ABAT: variants seen among roughly 807,000 people sequenced by gnomAD.
The protein encoded by ABAT is 4-aminobutyrate aminotransferase, mitochondrial.
ABAT carries 45 observed loss-of-function variants against 64.6 expected under a neutral mutation model. The ratio of observed to expected loss-of-function variants is 0.70; its 90% confidence interval spans 0.55 to 0.89. The LOEUF (loss-of-function observed/expected upper bound fraction) is 0.89, where lower values mean the gene tolerates loss of function less well. ABAT is among the 40% of genes least tolerant of loss of function. ABAT has a pLI of 0.00. For missense variants in ABAT, 633 were observed against 658.4 expected (o/e 0.96, Z 0.42); for synonymous variants, 297 against 250.5 (o/e 1.19, Z -1.75).
intron 5 of ABAT, among the ~76,000 whole-genome samples, chr16:8,753,755 T>C (rs2059560052): frequency 6.6e-6 from 1 of 152,152 alleles, no homozygotes; most frequent in African/African-American, 2.4e-5. Context: ...TGGAGTAGGA[T>C]GGGGGAGTGC....
intron 1 of ABAT, among the ~76,000 whole-genome samples, chr16:8,706,522 T>G (rs1034604669): frequency 2.6e-5 from 4 of 151,868 alleles, no homozygotes; most frequent in Non-Finnish European, 5.9e-5. Flanking sequence ...AAAACCAGCC[T>G]GGCCAACATG....
chr16:8,675,646 G>A (rs1010285259), intron 1 of ABAT, among the ~76,000 whole-genome samples: 1 of 152,150 alleles, frequency 6.6e-6, no homozygotes, highest in African/African-American at 2.4e-5. Flanking sequence ...GATTTAGTAA[G>A]ACTGGAGCTC....
intron 1 of ABAT, among the ~76,000 whole-genome samples, chr16:8,733,690 G>A (rs1330758583): frequency 2.0e-5 from 3 of 151,880 alleles, no homozygotes; most frequent in South Asian, 4.1e-4. Context: ...GCGTGGCGGC[G>A]TGAGGCTGCA....
chr16:8,755,812 G>A (rs1596458580), intron 5 of ABAT, among the ~76,000 whole-genome samples: 1 of 152,320 alleles, frequency 6.6e-6, no homozygotes, highest in East Asian at 1.9e-4. Flanking sequence ...CACTTTGGGA[G>A]GCCGAGGTGG....
chr16:8,694,289 C>T (rs2057652573), intron 1 of ABAT, among the ~76,000 whole-genome samples: 1 of 151,688 alleles, frequency 6.6e-6, no homozygotes, highest in African/African-American at 2.4e-5. Flanking sequence ...TTCCAAAGTG[C>T]TAGGATTACA....
chr16:8,686,098 G>T (rs2057449492), intron 1 of ABAT, among the ~76,000 whole-genome samples: 1 of 152,188 alleles, frequency 6.6e-6, no homozygotes, highest in Non-Finnish European at 1.5e-5. Context: ...AAAGAGCAAG[G>T]CACCACCCCG....
rs151265476 is a variant in ABAT, at chr16:8,742,635, C to T, written c.71-3366C>T. 1.6e-3 allele frequency among the ~76,000 whole-genome samples: 244 copies of T among 151,990 alleles called. 1 individual carries two copies. Among genetic ancestry groups the T allele is most frequent in the African/African-American group, 5.5e-3 (227 of 41,450 alleles). On this transcript the variant is annotated intron_variant, in intron 2 of 15. Transcript: ENST00000268251. ...ATCCCAGCACTTTGGGGGGCCAAGGCGGGTGGATTGCCTGAGCTCAGGAGT... is the reference window on the plus strand; with the variant it reads ...ATCCCAGCACTTTGGGGGGCCAAGGTGGGTGGATTGCCTGAGCTCAGGAGT...
At chr16:8,743,444 T>TATATATATATATACACAC (rs368568293) in intron 2 of ABAT, among the ~76,000 whole-genome samples, 1 of 117,702 alleles carries the variant, frequency 8.5e-6, no homozygotes, top group African/African-American at 3.7e-5. Flanking sequence ...TATATATATA[T>TATATATATATATACACAC]ACACACATTT....
intron 5 of ABAT, among the ~76,000 whole-genome samples, chr16:8,751,841 C>T (rs1035779182): frequency 2.6e-4 from 40 of 152,176 alleles, no homozygotes; most frequent in Non-Finnish European, 1.3e-4. Context: ...AGTGTTCACT[C>T]GCTGTATAAA....
At chr16:8,768,075 T>A in intron 9 of ABAT, 118 bp from the exon 10 acceptor site, 2 of 1,122,630 alleles carry the variant, frequency 1.8e-6, no homozygotes, top group Admixed American at 3.7e-5. Flanking sequence ...AACTTTTGCC[T>A]GAGAAGGATT....
rs573998397 is a variant in ABAT at position 8,744,616 on chromosome 16, C to T, written c.71-1385C>T. On this transcript the variant is annotated intron_variant, in intron 2 of 15. Transcript: ENST00000268251. ...CTCCTGACCTCAGGTGATCCACCTG[C>T]CTGAACCTCCCAAAGTGCTGGGATT... Among the ~76,000 whole-genome samples the T allele has an allele frequency of 1.1e-4, 16 of 152,248 alleles. No homozygotes were observed. In the South Asian group the frequency reaches 3.1e-3, roughly 30 times the overall value.
At chr16:8,713,816 T>C in intron 1 of ABAT, 1 of 455,478 alleles carries the variant, frequency 2.2e-6, no homozygotes, top group Non-Finnish European at 4.4e-6. Flanking sequence ...ACAGAAGGCA[T>C]TTTAAGCAAG....
At chr16:8,710,727 A>AGAGAGAGAGAGAGAGAGG (rs146344975) in intron 1 of ABAT, among the ~76,000 whole-genome samples, 1 of 103,700 alleles carries the variant, frequency 9.6e-6, no homozygotes, top group Non-Finnish European at 2.1e-5. Context: ...AGAGAGAGAG[A>AGAGAGAGAGAGAGAGAGG]GAGGAAATAG....
intron 13 of ABAT, among the ~76,000 whole-genome samples, chr16:8,775,508 C>T (rs1641023): frequency 0.33 from 50,431 of 151,950 alleles, 9,862 homozygotes; most frequent in Non-Finnish European, 0.43. Flanking sequence ...AGGATTCCAA[C>T]CCAGAGCCCA....
chr16:8,752,879 G>A (rs1323697220), intron 5 of ABAT, among the ~76,000 whole-genome samples: 1 of 152,164 alleles, frequency 6.6e-6, no homozygotes, highest in African/African-American at 2.4e-5. Context: ...AATACTTATA[G>A]AGAATTTACT....
At chr16:8,742,010 C>A (rs139154423) in intron 2 of ABAT, among the ~76,000 whole-genome samples, 4 of 152,370 alleles carry the variant, frequency 2.6e-5, no homozygotes, top group South Asian at 4.1e-4. Flanking sequence ...CCATTCCCCC[C>A]CTTTCTGATA....
chr16:8,714,195 C>G lies in ABAT; in HGVS notation c.-41-21504C>G, dbSNP rs1210257736. On this transcript the variant is annotated intron_variant, in intron 1 of 15. Coordinates refer to ENST00000268251, the MANE Select transcript of ABAT (RefSeq NM_020686.6). The stretch of plus-strand genomic sequence containing the variant: ...GGAATTGCTCTTATCAATAGGCTTG[C>G]AACACCACAGTCCGCCTGCATCTGG... Among the ~76,000 whole-genome samples the G allele has an allele frequency of 2.0e-5, 3 of 152,210 alleles. No individual in the cohort carries two copies. In the East Asian group the frequency reaches 5.8e-4, roughly 29 times the overall value.
intron 1 of ABAT, among the ~76,000 whole-genome samples, chr16:8,723,179 G>C (rs1443683227): frequency 1.3e-5 from 2 of 152,174 alleles, no homozygotes; most frequent in East Asian, 3.8e-4. Context: ...GTTACAGTGA[G>C]CCAAGATCAC....
chr16:8,736,023 G>A (rs911408948), intron 2 of ABAT: 29 of 552,282 alleles, frequency 5.3e-5, no homozygotes, highest in Middle Eastern at 9.8e-4. Context: ...TGGTCTCACA[G>A]TTTCATATGG....
Sources: allele counts gnomAD v4.1 joint callset (sites outside exome capture counted in the v4.1 genomes callset), GRCh38; gene constraint gnomAD v4.1.1; transcripts MANE v1.5; gene names NCBI Gene and HGNC (gene_info 2026-07-23, HGNC 2026-07-21).